GABRB2: variants seen among roughly 807,000 people sequenced by gnomAD.
GABRB2 encodes gamma-aminobutyric acid type A receptor subunit beta2.
In GABRB2, 16 loss-of-function variants were observed where a neutral mutation model predicts 54.7. The observed-to-expected ratio is 0.29, with a 90% confidence interval of 0.20 to 0.44. GABRB2 has a LOEUF of 0.44. GABRB2 is among the 20% of genes least tolerant of loss of function. The pLI is 1.00. For missense variants in GABRB2, 355 were observed against 644.0 expected (o/e 0.55, Z 4.86); for synonymous variants, 244 against 233.8 (o/e 1.04, Z -0.40).
chr5:161,394,802 A>G (rs1176427737), intron 5 of GABRB2, among the ~76,000 whole-genome samples: 1 of 152,056 alleles, frequency 6.6e-6, no homozygotes, highest in African/African-American at 2.4e-5. Context: ...CAAGTTTACA[A>G]ATTTTCAGAA....
At chr5:161,380,161 A>G (rs543753398) in intron 5 of GABRB2, among the ~76,000 whole-genome samples, 14 of 152,274 alleles carry the variant, frequency 9.2e-5, no homozygotes, top group South Asian at 8.3e-4. Flanking sequence ...AGGTATTGAT[A>G]TAAGAATTAT....
intron 5 of GABRB2, among the ~76,000 whole-genome samples, chr5:161,392,479 A>C (rs1032133928): frequency 6.6e-6 from 1 of 152,154 alleles, no homozygotes; most frequent in African/African-American, 2.4e-5. Context: ...ACCCCAAATC[A>C]ATGCTCCTTC....
intron 5 of GABRB2, among the ~76,000 whole-genome samples, chr5:161,393,617 T>C (rs1755904128): frequency 6.6e-6 from 1 of 152,042 alleles, no homozygotes; most frequent in African/African-American, 2.4e-5. Flanking sequence ...TATTTTAATA[T>C]CCTATAAAAT....
chr5:161,537,930 C>G (rs1760693316), intron 3 of GABRB2, among the ~76,000 whole-genome samples: 1 of 151,918 alleles, frequency 6.6e-6, no homozygotes, highest in South Asian at 2.1e-4. Context: ...ACACCCTCCT[C>G]TATGTTATTC....
chr5:161,535,250 T>A (rs1760596937), intron 3 of GABRB2, among the ~76,000 whole-genome samples: 1 of 152,166 alleles, frequency 6.6e-6, no homozygotes, highest in Non-Finnish European at 1.5e-5. Context: ...TATAAGATTA[T>A]CAAGGAGAGT....
intron 5 of GABRB2, among the ~76,000 whole-genome samples, chr5:161,354,203 G>C (rs753451856): frequency 6.6e-6 from 1 of 151,868 alleles, no homozygotes. Context: ...GTTGGACCTA[G>C]GAGCCTACAT....
intron 9 of GABRB2, among the ~76,000 whole-genome samples, chr5:161,320,779 G>A (rs1449164063): frequency 6.6e-6 from 1 of 151,742 alleles, no homozygotes; most frequent in Non-Finnish European, 1.5e-5. Context: ...TCATAGATGA[G>A]TTGATATATG....
chr5:161,340,285 T>G (rs1754119982), intron 5 of GABRB2, among the ~76,000 whole-genome samples: 5 of 152,010 alleles, frequency 3.3e-5, no homozygotes, highest in Admixed American at 3.3e-4. Flanking sequence ...AGGCAATACC[T>G]CGTGTGAAGT....
chr5:161,524,603 T>C (rs949267860), intron 3 of GABRB2, among the ~76,000 whole-genome samples: 5 of 151,396 alleles, frequency 3.3e-5, no homozygotes, highest in African/African-American at 2.4e-5. Flanking sequence ...ATTTAGCCAA[T>C]CAGATCAAGA....
intron 4 of GABRB2, among the ~76,000 whole-genome samples, chr5:161,423,630 A>C (rs902794683): frequency 2.6e-5 from 4 of 151,762 alleles, no homozygotes; most frequent in African/African-American, 7.3e-5. Flanking sequence ...AGCCATACCT[A>C]TCTCTCTCTC....
At chr5:161,454,283 C>A (rs1757883315) in intron 4 of GABRB2, among the ~76,000 whole-genome samples, 3 of 152,186 alleles carry the variant, frequency 2.0e-5, no homozygotes, top group African/African-American at 7.2e-5. Flanking sequence ...CCATGCCAGG[C>A]ATCTAATTTC....
At position 161,294,288 on chromosome 5, in the gene GABRB2, A is replaced by G. The variant is rs2113333618; in HGVS notation, c.1332T>C (p.Ala444=). The stretch of plus-strand genomic sequence containing the variant: ...GGCCAAAACTATGCCTGGGCAACCC[A>G]GCTTTCCGATACTGGATGCTGGAGG... ...YDASSIQYRK[A]GLPRHSFGRN... is the part of the protein sequence containing the mutation. The change falls in exon 10 of 10, where the codon GCT becomes GCC. Residue 444 remains alanine (A), a synonymous_variant. Coordinates refer to ENST00000393959, the MANE Select transcript of GABRB2 (RefSeq NM_001371727.1). 1 of 1,614,106 alleles carries G rather than the reference A, an allele frequency of 6.2e-7. No homozygotes were observed. The highest frequency in any genetic ancestry group is 8.5e-7 in the Non-Finnish European group (1 of 1,179,988).
intron 5 of GABRB2, among the ~76,000 whole-genome samples, chr5:161,390,912 A>G (rs962916997): frequency 1.3e-5 from 2 of 152,156 alleles, no homozygotes; most frequent in Non-Finnish European, 2.9e-5. Flanking sequence ...ACACTTAACC[A>G]TGTGCATCTT....
chr5:161,501,616 G>A (rs1759445111), intron 3 of GABRB2, among the ~76,000 whole-genome samples: 1 of 152,210 alleles, frequency 6.6e-6, no homozygotes, highest in Non-Finnish European at 1.5e-5. Context: ...TATTCCTAAT[G>A]TATTTTCCAA....
chr5:161,320,652 G>GT (rs959584312), intron 9 of GABRB2, among the ~76,000 whole-genome samples: 1 of 151,722 alleles, frequency 6.6e-6, no homozygotes, highest in Non-Finnish European at 1.5e-5. Flanking sequence ...TGCCTCATTT[G>GT]TTTTTTCCCA....
At chr5:161,528,584 A>G (rs1023328504) in intron 3 of GABRB2, among the ~76,000 whole-genome samples, 2 of 151,818 alleles carry the variant, frequency 1.3e-5, no homozygotes, top group Non-Finnish European at 3.0e-5. Flanking sequence ...TCTTTGATAC[A>G]AATGTTGACC....
chr5:161,510,814 G>A (rs1215400593), intron 3 of GABRB2, among the ~76,000 whole-genome samples: 1 of 151,804 alleles, frequency 6.6e-6, no homozygotes, highest in Non-Finnish European at 1.5e-5. Context: ...AAATCATTAT[G>A]GGAAGAAGAC....
intron 3 of GABRB2, among the ~76,000 whole-genome samples, chr5:161,496,990 T>C (rs1759269509): frequency 6.6e-6 from 1 of 152,158 alleles, no homozygotes; most frequent in Non-Finnish European, 1.5e-5. Context: ...TGCCTTTGGG[T>C]ATTTTTCCAT....
intron 4 of GABRB2, among the ~76,000 whole-genome samples, chr5:161,411,722 A>G (rs1756521506): frequency 6.6e-6 from 1 of 152,066 alleles, no homozygotes; most frequent in African/African-American, 2.4e-5. Flanking sequence ...ATAAATAAAT[A>G]CGTTCCTTCA....
Sources: gnomAD v4.1 joint callset for allele counts (sites outside exome capture counted in the v4.1 genomes callset) on GRCh38, gnomAD v4.1.1 for gene constraint, MANE v1.5 for transcripts, NCBI Gene and HGNC (gene_info 2026-07-23, HGNC 2026-07-21) for gene names.